The following YJU2 variants were observed in gnomAD, a reference collection of about 807,000 sequenced individuals.
The protein encoded by YJU2 is YJU2 splicing factor homolog, also known as splicing factor YJU2.
A neutral mutation model predicts 39.6 loss-of-function variants in YJU2; 28 were observed. The observed-to-expected ratio is 0.71, with a 90% CI of 0.52 to 0.97. The LOEUF is 0.97. YJU2 is among the 50% of genes least tolerant of loss of function. The probability of loss-of-function intolerance (pLI) is 0.00; values close to 1 mark genes in which losing one functional copy is unlikely to be tolerated. For missense variants in YJU2, 328 were observed against 430.4 expected (o/e 0.76, Z 2.11); for synonymous variants, 184 against 182.4 (o/e 1.01, Z -0.07).
At chr19:4,259,637 C>T (rs1971055205) in intron 5 of YJU2, among the ~76,000 whole-genome samples, 2 of 152,122 alleles carry the variant, frequency 1.3e-5, no homozygotes, top group Admixed American at 6.6e-5. Flanking sequence ...ACCTTAGTCT[C>T]CTGAAGTGCT....
intron 2 of YJU2, 134 bp from the exon 3 acceptor site, chr19:4,250,893 C>A: frequency 1.1e-6 from 1 of 912,844 alleles, no homozygotes; most frequent in African/African-American, 1.7e-5. Flanking sequence ...GGTGGGGCAG[C>A]CTGCCTCTTG....
intron 4 of YJU2, among the ~76,000 whole-genome samples, chr19:4,255,557 G>A (rs1017518473): frequency 1.4e-4 from 22 of 151,780 alleles, no homozygotes; most frequent in African/African-American, 3.4e-4. Flanking sequence ...GTGAAACCCC[G>A]TCTCTACTAA....
chr19:4,268,647 G>A lies in YJU2; in HGVS notation c.923G>A (p.Ser308Asn). Residue 308 changes from serine (S) to asparagine (N), a missense_variant, in exon 8 of 8, where the codon AGC becomes AAC. This residue lies in a region of YJU2 where 244 missense variants were observed against 264.6 expected (regional missense o/e 0.92). Coordinates refer to ENST00000262962, the MANE Select transcript of YJU2 (RefSeq NM_018074.6). ...CTGACGCCTGGCGCGTCCTCCCTGAGCCAACTGGGTGCATACCTGGACAGT... is the reference window on the plus strand; with the variant it reads ...CTGACGCCTGGCGCGTCCTCCCTGAACCAACTGGGTGCATACCTGGACAGT... The part of the protein sequence containing the change: ...TPLTPGASSL[S>N]QLGAYLDSDD... The A allele has an allele frequency of 6.2e-7, 1 of 1,613,964 alleles. No homozygotes were observed. The highest frequency in any genetic ancestry group is 8.5e-7 in the Non-Finnish European group (1 of 1,179,962).
At chr19:4,259,410 T>G (rs1381436117) in intron 5 of YJU2, among the ~76,000 whole-genome samples, 1 of 150,134 alleles carries the variant, frequency 6.7e-6, no homozygotes, top group Non-Finnish European at 1.5e-5. Context: ...GACGGGGTTT[T>G]GCTCTGCCGC....
chr19:4,262,916 A>G (rs1393430542), intron 6 of YJU2, among the ~76,000 whole-genome samples: 1 of 151,386 alleles, frequency 6.6e-6, no homozygotes, highest in Non-Finnish European at 1.5e-5. Context: ...AAATAAACAA[A>G]TAAAAATTAA....
At chr19:4,253,686 C>T (rs890718288) in intron 3 of YJU2, among the ~76,000 whole-genome samples, 1 of 152,118 alleles carries the variant, frequency 6.6e-6, no homozygotes, top group African/African-American at 2.4e-5. Context: ...TTTAAGATAC[C>T]AGGGTGTATT....
At chr19:4,259,973 C>T (rs78124512) in intron 5 of YJU2, among the ~76,000 whole-genome samples, 13 of 152,232 alleles carry the variant, frequency 8.5e-5, no homozygotes, top group African/African-American at 3.1e-4. Context: ...CCCTGGGGGT[C>T]AGTGTGATCT....
At chr19:4,254,298 T>C in intron 3 of YJU2, 57 bp from the exon 4 acceptor site, 1 of 1,302,818 alleles carries the variant, frequency 7.7e-7, no homozygotes, top group East Asian at 2.3e-5. Context: ...GGTGGTACTT[T>C]AGAAGATTCT....
Position 4,268,809 on chromosome 19 carries a change from C to G in YJU2, c.*113C>G. 1 of 748,018 alleles carries G rather than the reference C, an allele frequency of 1.3e-6. No homozygotes were observed. Among genetic ancestry groups the G allele is most frequent in the Non-Finnish European group, 2.2e-6 (1 of 445,298 alleles). 46.3% of individuals were successfully genotyped at this position (748,018 alleles called of 1,614,324 possible). ...GGCCTTGGCGTGACTGGAGGCCGGA[C>G]AGACAAGCGCCAGCGTGCTCCAACA... On this transcript the variant is annotated 3_prime_UTR_variant, in exon 8 of 8. Coordinates refer to ENST00000262962, the MANE Select transcript of YJU2 (RefSeq NM_018074.6).
At chr19:4,251,372 GATA>G (rs1703617706) in intron 3 of YJU2, among the ~76,000 whole-genome samples, 1 of 152,166 alleles carries the variant, frequency 6.6e-6, no homozygotes, top group South Asian at 2.1e-4. Flanking sequence ...AACCTAGATA[GATA>G]ATAATAAGGG....
intron 5 of YJU2, among the ~76,000 whole-genome samples, chr19:4,259,913 C>T (rs1470473082): frequency 6.6e-6 from 1 of 152,290 alleles, no homozygotes; most frequent in East Asian, 1.9e-4. Context: ...CTGCGTTCAT[C>T]CTGCACCTTC....
chr19:4,268,196 C>T (rs371127610), intron 7 of YJU2, among the ~76,000 whole-genome samples: 4 of 152,124 alleles, frequency 2.6e-5, no homozygotes, highest in Non-Finnish European at 4.4e-5. Flanking sequence ...CCACTCACCT[C>T]GGCCTCCCAA....
chr19:4,261,576 G>A lies in YJU2; in HGVS notation c.588-418G>A, dbSNP rs60003768. On this transcript the variant is annotated intron_variant, in intron 5 of 7. Coordinates refer to ENST00000262962, the MANE Select transcript of YJU2 (RefSeq NM_018074.6). ...CTTGGGAAGCTGAGGCAGGAGAATC[G>A]CTTCAACCTGGGAGGTGGGGGTTGC... Among the ~76,000 whole-genome samples the A allele has an allele frequency of 3.9e-3, 587 of 152,164 alleles. 4 individuals carry two copies. Among genetic ancestry groups the A allele is most frequent in the African/African-American group, 0.013 (534 of 41,520 alleles).
chr19:4,268,797 C>A lies in YJU2; in HGVS notation c.*101C>A. ...GTCAGGGCAGGAGGCCTTGGCGTGA[C>A]TGGAGGCCGGACAGACAAGCGCCAG... On this transcript the variant is annotated 3_prime_UTR_variant, in exon 8 of 8. Transcript: ENST00000262962. 1.2e-6 allele frequency: 1 copy of A among 836,416 alleles called. No individual in the cohort carries two copies. The highest frequency in any genetic ancestry group is 2.7e-5 in the East Asian group (1 of 37,610). 51.8% of individuals were successfully genotyped at this position (836,416 alleles called of 1,614,324 possible). A position where few individuals can be genotyped will look rare whatever the true frequency, so the allele number is the denominator to read the frequency against.
At chr19:4,255,727 CAAAAA>C (rs58736061) in intron 4 of YJU2, among the ~76,000 whole-genome samples, 44,230 of 103,392 alleles carry the variant, frequency 0.43, 7,491 homozygotes, top group South Asian at 0.55. Context: ...GATTCTGTGT[CAAAAA>C]AAAAAAAAAA....
At position 4,262,830 on chromosome 19, in the gene YJU2, C is replaced by G. The variant is rs115365108; in HGVS notation, c.708+716C>G. On this transcript the variant is annotated intron_variant, in intron 6 of 7. Coordinates refer to ENST00000262962, the MANE Select transcript of YJU2 (RefSeq NM_018074.6). The stretch of plus-strand genomic sequence containing the variant: ...GACTGAGGCAGGAGGACCGCTTGAG[C>G]CCAGAAGGTCAAGGCTGCAGTGAGC... Among the ~76,000 whole-genome samples the G allele has an allele frequency of 3.2e-3, 488 of 152,124 alleles. 2 individuals carry two copies. Among genetic ancestry groups the G allele is most frequent in the African/African-American group, 0.011 (474 of 41,506 alleles).
chr19:4,260,933 G>T (rs1473631432), intron 5 of YJU2, among the ~76,000 whole-genome samples: 1 of 152,186 alleles, frequency 6.6e-6, no homozygotes, highest in Non-Finnish European at 1.5e-5. Context: ...GCGTGAGCTT[G>T]AATTATGAGG....
Position 4,269,081 on chromosome 19 carries a change from C to T in YJU2, c.*385C>T, listed in dbSNP as rs1484919346. On this transcript the variant is annotated 3_prime_UTR_variant, in exon 8 of 8. Coordinates refer to ENST00000262962, the MANE Select transcript of YJU2 (RefSeq NM_018074.6). The stretch of plus-strand genomic sequence containing the variant: ...ACTGTCTAGAACCAATAAAAGGAAA[C>T]CTGCCAACCGCCTGGGCCCCTTCTC... 5.4e-6 allele frequency: 1 copy of T among 183,848 alleles called. No individual in the cohort carries two copies. The highest frequency in any genetic ancestry group is 1.6e-4 in the East Asian group (1 of 6,438). The allele number at this position is 183,848 out of a possible 1,614,324, so 11.4% of individuals were successfully genotyped here.
chr19:4,256,738 G>T (rs765760000), intron 4 of YJU2, among the ~76,000 whole-genome samples: 1 of 152,172 alleles, frequency 6.6e-6, no homozygotes, highest in Non-Finnish European at 1.5e-5. Flanking sequence ...GGAGCCACTC[G>T]CAAACTGGCT....
Sources: gnomAD v4.1 joint callset for allele counts (sites outside exome capture counted in the v4.1 genomes callset) on GRCh38, gnomAD v4.1.1 for gene constraint, gnomAD v4.1.1 regional missense constraint, MANE v1.5 for transcripts, NCBI Gene and HGNC (gene_info 2026-07-23, HGNC 2026-07-21) for gene names.